LHFPL3: variants seen among roughly 807,000 people sequenced by gnomAD.
LHFPL3 encodes the protein LHFPL tetraspan subfamily member 3 protein.
LHFPL3 carries 5 observed loss-of-function variants against 19.3 expected under a neutral mutation model. The ratio of observed to expected loss-of-function variants is 0.26; its 90% confidence interval spans 0.14 to 0.54. The LOEUF is 0.54. Ranked by LOEUF, LHFPL3 falls within the 20% of genes least tolerant of loss-of-function variation. The probability of loss-of-function intolerance (pLI) is 0.94; values close to 1 mark genes in which losing one functional copy is unlikely to be tolerated. For synonymous variants in LHFPL3, 133 were observed against 126.2 expected (o/e 1.05, Z -0.36); for missense variants, 249 against 307.4 (o/e 0.81, Z 1.42).
intron 1 of LHFPL3, among the ~76,000 whole-genome samples, chr7:104,706,692 G>T (rs1038149796): frequency 6.6e-6 from 1 of 152,118 alleles, no homozygotes; most frequent in African/African-American, 2.4e-5. Flanking sequence ...TCAGTCTTCT[G>T]GTTGGTGGGG....
chr7:104,363,820 G>A (rs1209826921), intron 1 of LHFPL3, among the ~76,000 whole-genome samples: 1 of 152,190 alleles, frequency 6.6e-6, no homozygotes, highest in Admixed American at 6.5e-5. Context: ...TATTGGAAAA[G>A]CAGGAAGGAT....
chr7:104,666,890 T>C (rs543136655), intron 1 of LHFPL3, among the ~76,000 whole-genome samples: 4 of 152,310 alleles, frequency 2.6e-5, no homozygotes, highest in African/African-American at 9.6e-5. Context: ...TCTTTATTCA[T>C]TCATCTGTTG....
intron 2 of LHFPL3, among the ~76,000 whole-genome samples, chr7:104,743,719 CTTAATATTT>C (rs1793980357): frequency 6.6e-6 from 1 of 152,158 alleles, no homozygotes; most frequent in Non-Finnish European, 1.5e-5. Context: ...TACAGAAAAG[CTTAATATTT>C]TATCTAAATT....
At chr7:104,826,595 G>GC (rs1361498032) in intron 2 of LHFPL3, 2 of 156,540 alleles carry the variant, frequency 1.3e-5, no homozygotes, top group Non-Finnish European at 2.9e-5. Context: ...AGGAAGTTTT[G>GC]CCACCCAGGC....
chr7:104,872,879 A>C (rs1411611533), intron 2 of LHFPL3, among the ~76,000 whole-genome samples: 1 of 152,218 alleles, frequency 6.6e-6, no homozygotes, highest in African/African-American at 2.4e-5. Flanking sequence ...ATAAATACCT[A>C]AACCAGTAAC....
chr7:104,645,233 G>T (rs954126806), intron 1 of LHFPL3, among the ~76,000 whole-genome samples: 11 of 152,164 alleles, frequency 7.2e-5, no homozygotes, highest in African/African-American at 2.7e-4. Context: ...TCTGTTTAAT[G>T]ATGCATTTCT....
At chr7:104,369,600 T>C (rs1044194118) in intron 1 of LHFPL3, among the ~76,000 whole-genome samples, 6 of 152,352 alleles carry the variant, frequency 3.9e-5, no homozygotes, top group Admixed American at 3.9e-4. Context: ...TTAAAGAAAC[T>C]CCTAAACTAT....
intron 1 of LHFPL3, among the ~76,000 whole-genome samples, chr7:104,564,063 C>T (rs1790072153): frequency 6.6e-6 from 1 of 152,096 alleles, no homozygotes; most frequent in African/African-American, 2.4e-5. Context: ...TCATTTGATC[C>T]TCTCAACAAT....
chr7:104,539,366 A>T (rs1202147526), intron 1 of LHFPL3, among the ~76,000 whole-genome samples: 1 of 152,224 alleles, frequency 6.6e-6, no homozygotes, highest in African/African-American at 2.4e-5. Flanking sequence ...ATTTGGGCCT[A>T]TATAAAAACA....
At chr7:104,747,725 A>G (rs1308003737) in intron 2 of LHFPL3, among the ~76,000 whole-genome samples, 1 of 152,170 alleles carries the variant, frequency 6.6e-6, no homozygotes, top group Non-Finnish European at 1.5e-5. Context: ...GCTAATGCAC[A>G]CCCACTAAGT....
At chr7:104,688,635 G>A (rs1792848760) in intron 1 of LHFPL3, among the ~76,000 whole-genome samples, 1 of 152,078 alleles carries the variant, frequency 6.6e-6, no homozygotes, top group Admixed American at 6.6e-5. Context: ...TGTCTGAGGA[G>A]ATTACCCATG....
chr7:104,623,437 C>T (rs893696953), intron 1 of LHFPL3, among the ~76,000 whole-genome samples: 3 of 149,706 alleles, frequency 2.0e-5, no homozygotes, highest in African/African-American at 7.4e-5. Context: ...CGAGACCAGC[C>T]TGGCCAACAT....
chr7:104,792,251 G>A lies in LHFPL3; in HGVS notation c.682+55340G>A, dbSNP rs375825113. 1.2e-3 allele frequency among the ~76,000 whole-genome samples: 182 copies of A among 152,258 alleles called. 2 individuals are homozygous for A. Among genetic ancestry groups the A allele is most frequent in the African/African-American group, 4.2e-3 (173 of 41,538 alleles). On this transcript the variant is annotated intron_variant, in intron 2 of 2. Coordinates refer to ENST00000424859, the MANE Select transcript of LHFPL3 (RefSeq NM_199000.3). ...GGAAAATGAATAGAAGTGTGTGCCT[G>A]TAGCCTCCTCGTTAGCTAGAATGTT...
At chr7:104,345,767 T>C (rs911336295) in intron 1 of LHFPL3, among the ~76,000 whole-genome samples, 1 of 152,186 alleles carries the variant, frequency 6.6e-6, no homozygotes, top group Non-Finnish European at 1.5e-5. Context: ...TTTTACAAAG[T>C]TACATTTAGC....
intron 1 of LHFPL3, among the ~76,000 whole-genome samples, chr7:104,707,973 G>T (rs1468549549): frequency 6.6e-6 from 1 of 152,242 alleles, no homozygotes; most frequent in Non-Finnish European, 1.5e-5. Context: ...AGGTACATCA[G>T]AGAGGCCAAA....
rs538444056 is a variant in LHFPL3, at chr7:104,545,814, A to C, written c.446-190861A>C. Among the ~76,000 whole-genome samples the C allele has an allele frequency of 2.6e-5, 4 of 152,274 alleles. No homozygotes were observed. The East Asian group carries it at 7.7e-4, about 29-fold the overall frequency. The stretch of plus-strand genomic sequence containing the variant: ...CTATTTGAAAAGTTGAAGAGCAAAA[A>C]AACTGCTCTATCAGTCTTCATGGGT... On this transcript the variant is annotated intron_variant, in intron 1 of 2. Coordinates refer to ENST00000424859, the MANE Select transcript of LHFPL3 (RefSeq NM_199000.3).
At chr7:104,637,724 T>G (rs1485162904) in intron 1 of LHFPL3, among the ~76,000 whole-genome samples, 2 of 152,108 alleles carry the variant, frequency 1.3e-5, no homozygotes, top group Non-Finnish European at 2.9e-5. Context: ...CTCTCTATTC[T>G]GTTTCATTGG....
At chr7:104,417,537 T>C (rs964186907) in intron 1 of LHFPL3, among the ~76,000 whole-genome samples, 12 of 152,238 alleles carry the variant, frequency 7.9e-5, no homozygotes, top group African/African-American at 2.9e-4. Flanking sequence ...TCTGTTTTTA[T>C]TGGGGTCTTG....
intron 1 of LHFPL3, among the ~76,000 whole-genome samples, chr7:104,494,992 C>G (rs758367114): frequency 7.9e-5 from 12 of 152,168 alleles, no homozygotes; most frequent in African/African-American, 2.9e-4. Context: ...TCCAAACCCC[C>G]CTCCAGATCA....
Sources: allele counts gnomAD v4.1 joint callset (sites outside exome capture counted in the v4.1 genomes callset), GRCh38; gene constraint gnomAD v4.1.1; transcripts MANE v1.5; gene names NCBI Gene and HGNC (gene_info 2026-07-23, HGNC 2026-07-21).